The following KMT2E variants were observed in gnomAD, a reference collection of about 807,000 sequenced individuals.
KMT2E encodes the protein lysine methyltransferase 2E (inactive).
Under a neutral mutation model 184.6 loss-of-function variants are expected in KMT2E, and 30 were observed. That is an observed-to-expected ratio of 0.16 (90% CI 0.12 to 0.22). KMT2E has a LOEUF of 0.22. Among genes scored for constraint, KMT2E ranks in the 10% least tolerant of loss-of-function variants. KMT2E has a pLI of 1.00. For missense variants in KMT2E, 2,023 were observed against 2,237.4 expected (o/e 0.90, Z 1.93); for synonymous variants, 815 against 776.5 (o/e 1.05, Z -0.82).
rs756059910 is a variant in KMT2E at position 105,112,953 on chromosome 7, A to T, written c.5197A>T (p.Thr1733Ser). Residue 1733 changes from threonine to serine, a missense_variant, in exon 27 of 27, where the codon ACC becomes TCC. By Grantham distance (58) the Thr-to-Ser change is moderately conservative. Coordinates refer to ENST00000311117, the MANE Select transcript of KMT2E (RefSeq NM_182931.3). Reference sequence around the variant, plus strand: ...CAGTGTTTTGGCTTCTGGGCATCATACCACATCAGCTCAAGCCTTACACCA... The same window carrying T: ...CAGTGTTTTGGCTTCTGGGCATCATTCCACATCAGCTCAAGCCTTACACCA... ...PSSVLASGHH[T>S]TSAQALHHPP... The T allele has an allele frequency of 3.7e-6, 6 of 1,613,594 alleles. No homozygotes were observed. The South Asian group carries it at 6.6e-5, about 18-fold the overall frequency.
chr7:105,027,072 C>A (rs1795204307), intron 1 of KMT2E, among the ~76,000 whole-genome samples: 1 of 134,586 alleles, frequency 7.4e-6, no homozygotes, highest in South Asian at 2.3e-4. Flanking sequence ...AGGCCCCGCC[C>A]TCTTTTTTTT....
chr7:105,107,698 A>T lies in KMT2E; in HGVS notation c.3241A>T (p.Asn1081Tyr). Residue 1081 changes from asparagine (N) to tyrosine (Y), a missense_variant, in exon 22 of 27, where the codon AAC becomes TAC. By Grantham distance (143) the Asn-to-Tyr change is moderately radical. Transcript: ENST00000311117. ...PDRTGVNFSV[N>Y]SNLRDLTPSH... ...CAGAACAGGAGTTAACTTCTCAGTG[A>T]ACTCCAACTTGAGGGACCTGACACC... 3.1e-6 allele frequency: 5 copies of T among 1,614,164 alleles called. No individual in the cohort carries two copies. The Middle Eastern group carries it at 4.9e-4, about 160-fold the overall frequency.
At chr7:105,072,798 C>A (rs567083545) in intron 6 of KMT2E, among the ~76,000 whole-genome samples, 1 of 152,032 alleles carries the variant, frequency 6.6e-6, no homozygotes, top group Non-Finnish European at 1.5e-5. Context: ...GCCCGGAACC[C>A]CAGCTACTTG....
rs1350338994 is a variant in KMT2E, at chr7:105,112,634, C to T, written c.4878C>T (p.Val1626=). The change falls in exon 27 of 27, where the codon GTC becomes GTT. Residue 1626 remains valine, a synonymous_variant. Transcript: ENST00000311117. ...ACCATCAAACTGCTGCTGCCGTAGT[C>T]CCCCCTCCTCCTCCACCACCACCTG... The part of the protein sequence containing the change: ...TIHHQTAAAV[V]PPPPPPPPAP... 12 of 1,613,746 alleles carry T rather than the reference C, an allele frequency of 7.4e-6. No homozygotes were observed. The highest frequency in any genetic ancestry group is 1.7e-5 in the Admixed American group (1 of 59,978).
intron 13 of KMT2E, among the ~76,000 whole-genome samples, chr7:105,087,320 A>C (rs182105554): frequency 0.011 from 1,594 of 147,546 alleles, 18 homozygotes; most frequent in African/African-American, 0.031. Context: ...TAAATATAGC[A>C]TATATTACAT....
At chr7:105,080,932 G>A (rs190816763) in intron 12 of KMT2E, among the ~76,000 whole-genome samples, 13 of 152,292 alleles carry the variant, frequency 8.5e-5, no homozygotes, top group African/African-American at 3.1e-4. Flanking sequence ...GAATCTGAGA[G>A]GTTGGGGTTG....
chr7:105,060,603 T>A lies in KMT2E; in HGVS notation c.72-1561T>A, dbSNP rs73421758. On this transcript the variant is annotated intron_variant, in intron 3 of 26. Coordinates refer to ENST00000311117, the MANE Select transcript of KMT2E (RefSeq NM_182931.3). ...CAACACGCTTGGCTAGTTTTTTTTT[T>A]TTATTTTTAATGTCTGTAGAGAAAG... 3.0e-3 allele frequency among the ~76,000 whole-genome samples: 452 copies of A among 152,126 alleles called. 2 individuals carry two copies. Among genetic ancestry groups the A allele is most frequent in the African/African-American group, 0.01 (434 of 41,526 alleles).
intron 13 of KMT2E, among the ~76,000 whole-genome samples, chr7:105,087,841 T>TTTTC (rs1427198088): frequency 4.7e-5 from 7 of 150,156 alleles, no homozygotes; most frequent in African/African-American, 1.7e-4. Flanking sequence ...TTTTTTTTTT[T>TTTTC]CCCAGAAGTT....
intron 1 of KMT2E, among the ~76,000 whole-genome samples, chr7:105,024,861 A>G (rs949441269): frequency 2.6e-5 from 4 of 152,166 alleles, no homozygotes; most frequent in Non-Finnish European, 5.9e-5. Context: ...GTACAGTGTC[A>G]AATGACAGAC....
At chr7:105,104,113 C>G (rs533428996) in intron 17 of KMT2E, 1 of 152,178 alleles carries the variant, frequency 6.6e-6, no homozygotes, top group South Asian at 2.1e-4. Flanking sequence ...GCGTGAGCCA[C>G]CACACCCGGC....
At chr7:105,017,398 T>TTGG (rs1219565318) in intron 1 of KMT2E, among the ~76,000 whole-genome samples, 6 of 151,902 alleles carry the variant, frequency 3.9e-5, no homozygotes, top group East Asian at 1.9e-4. Context: ...TTGTTTCTTT[T>TTGG]TGGTGGTGGT....
Position 105,113,404 on chromosome 7 carries a change from G to GTACTT in KMT2E, c.*73_*77dup, listed in dbSNP as rs1424503295. 2.7e-6 allele frequency: 4 copies of GTACTT among 1,458,540 alleles called. No individual in the cohort carries two copies. In the South Asian group the frequency reaches 4.2e-5, roughly 15 times the overall value. 90.3% of individuals were successfully genotyped at this position (1,458,540 alleles called of 1,614,324 possible). A position where few individuals can be genotyped will look rare whatever the true frequency, so the allele number is the denominator to read the frequency against. ...GTATATTTCATATGTACCTGTTAAG[G>GTACTT]TACTTTTTAAAGCTTGTACATGAAC... On this transcript the variant is annotated 3_prime_UTR_variant, in exon 27 of 27. Coordinates refer to ENST00000311117, the MANE Select transcript of KMT2E (RefSeq NM_182931.3).
At chr7:105,093,726 G>T (rs1798299775) in intron 15 of KMT2E, among the ~76,000 whole-genome samples, 1 of 152,054 alleles carries the variant, frequency 6.6e-6, no homozygotes. Flanking sequence ...AAACTTGGTG[G>T]AACTTAGAAA....
intron 3 of KMT2E, among the ~76,000 whole-genome samples, chr7:105,051,033 A>G (rs1007920208): frequency 2.0e-5 from 3 of 147,358 alleles, no homozygotes; most frequent in Non-Finnish European, 3.0e-5. Flanking sequence ...GGCCTCATCT[A>G]TTTCTTTCTT....
intron 1 of KMT2E, among the ~76,000 whole-genome samples, chr7:105,036,175 G>GTTTTTTTTTTTGTTTTTTTTT (rs1357692869): frequency 7.5e-6 from 1 of 133,156 alleles, no homozygotes; most frequent in Non-Finnish European, 1.6e-5. Context: ...TGTTCTTTTG[G>GTTTTTTTTTTTGTTTTTTTTT]TTTTTTTTTT....
At chr7:105,066,952 G>A (rs1797050547) in intron 6 of KMT2E, 145 bp downstream of exon 6, 2 of 591,164 alleles carry the variant, frequency 3.4e-6, no homozygotes, top group South Asian at 4.0e-5. Flanking sequence ...AACTACTTGG[G>A]AGGCTGAGGC....
chr7:105,049,653 G>A (rs1287420759), intron 3 of KMT2E, among the ~76,000 whole-genome samples: 1 of 152,164 alleles, frequency 6.6e-6, no homozygotes, highest in Non-Finnish European at 1.5e-5. Context: ...CACTTTGGGA[G>A]GCTGAGGTGG....
At chr7:105,075,553 TA>T (rs1278561593) in intron 8 of KMT2E, among the ~76,000 whole-genome samples, 1 of 152,202 alleles carries the variant, frequency 6.6e-6, no homozygotes, top group African/African-American at 2.4e-5. Context: ...ATTATATGTC[TA>T]ACACCCTCCC....
intron 15 of KMT2E, 136 bp from the exon 16 acceptor site, chr7:105,101,289 C>T (rs1441388895): frequency 3.7e-6 from 2 of 536,334 alleles, no homozygotes; most frequent in Non-Finnish European, 6.1e-6. Context: ...TTTTTCTCCC[C>T]ATATCCACCA....
Sources: allele counts gnomAD v4.1 joint callset (sites outside exome capture counted in the v4.1 genomes callset), GRCh38; gene constraint gnomAD v4.1.1; transcripts MANE v1.5; gene names NCBI Gene and HGNC (gene_info 2026-07-23, HGNC 2026-07-21).